METTL15: variants seen among roughly 807,000 people sequenced by gnomAD.
The protein encoded by METTL15 is methyltransferase 15, mitochondrial 12S rRNA N4-cytidine.
In METTL15, 34 loss-of-function variants were observed where a neutral mutation model predicts 38.3. The observed-to-expected ratio is 0.89, with a 90% confidence interval of 0.68 to 1.18. The LOEUF is 1.18. METTL15 is among the 50% of genes most tolerant of loss of function. METTL15 has a pLI of 0.00. For missense variants in METTL15, 438 were observed against 498.4 expected (o/e 0.88, Z 1.15); for synonymous variants, 162 against 170.9 (o/e 0.95, Z 0.41).
chr11:28,117,113 A>G (rs932111081), intron 3 of METTL15, among the ~76,000 whole-genome samples: 1 of 152,078 alleles, frequency 6.6e-6, no homozygotes, highest in African/African-American at 2.4e-5. Flanking sequence ...AAAAAGATCC[A>G]TAATGCAGGG....
chr11:28,236,691 T>C (rs1853995783), intron 4 of METTL15, among the ~76,000 whole-genome samples: 1 of 152,218 alleles, frequency 6.6e-6, no homozygotes, highest in Non-Finnish European at 1.5e-5. Context: ...AGTTTCTTCC[T>C]AATCTCGATG....
At chr11:28,419,180 G>A (rs950012143) in intron 5 of METTL15, among the ~76,000 whole-genome samples, 2 of 152,150 alleles carry the variant, frequency 1.3e-5, no homozygotes, top group Non-Finnish European at 2.9e-5. Flanking sequence ...GCAAGTGTTG[G>A]GCAATACCCA....
chr11:28,126,248 A>G (rs1001301885), intron 3 of METTL15, among the ~76,000 whole-genome samples: 8 of 151,920 alleles, frequency 5.3e-5, no homozygotes, highest in Non-Finnish European at 1.2e-4. Flanking sequence ...ACCATCTTCA[A>G]ATGTTTGGTA....
chr11:28,376,136 A>T (rs1672786331), intron 5 of METTL15, among the ~76,000 whole-genome samples: 1 of 151,054 alleles, frequency 6.6e-6, no homozygotes, highest in Non-Finnish European at 1.5e-5. Flanking sequence ...AAAAAAATGT[A>T]TATTCTGTTG....
intron 6 of METTL15, among the ~76,000 whole-genome samples, chr11:28,310,878 ATGCTGCTGC>A (rs878913369): frequency 5.5e-3 from 355 of 64,690 alleles, no homozygotes; most frequent in African/African-American, 0.024. Flanking sequence ...CCTAGCTTAA[ATGCTGCTGC>A]TGCTGCTGCT....
At chr11:28,268,390 C>G (rs894250767) in intron 4 of METTL15, among the ~76,000 whole-genome samples, 12 of 151,784 alleles carry the variant, frequency 7.9e-5, no homozygotes, top group Non-Finnish European at 1.5e-4. Flanking sequence ...CCTGCTTCAC[C>G]TACACAAATA....
chr11:28,348,001 TCTGA>T (rs1481926284), intron 3 of METTL15, among the ~76,000 whole-genome samples: 1 of 152,210 alleles, frequency 6.6e-6, no homozygotes, highest in Non-Finnish European at 1.5e-5. Flanking sequence ...GAAGTTTTGG[TCTGA>T]CTGTCACACT....
chr11:28,382,957 CTTT>C (rs34928420), intron 5 of METTL15, among the ~76,000 whole-genome samples: 1 of 145,818 alleles, frequency 6.9e-6, no homozygotes, highest in African/African-American at 2.5e-5. Context: ...TGGTGACAAT[CTTT>C]TTTTTTTTTT....
chr11:28,381,068 G>T (rs1350334287), intron 5 of METTL15, among the ~76,000 whole-genome samples: 1 of 152,120 alleles, frequency 6.6e-6, no homozygotes, highest in Non-Finnish European at 1.5e-5. Context: ...ATAGCTCACT[G>T]AAGCCTTGAA....
intron 3 of METTL15, chr11:28,122,185 A>AT (rs1565106480): frequency 1.6e-6 from 2 of 1,250,408 alleles, no homozygotes; most frequent in Admixed American, 5.3e-5. Flanking sequence ...CTACAGGTAA[A>AT]TTTAACATTT....
At chr11:28,480,892 G>A (rs116209266) in intron 6 of METTL15, among the ~76,000 whole-genome samples, 228 of 152,178 alleles carry the variant, frequency 1.5e-3, no homozygotes, top group African/African-American at 5.4e-3. Flanking sequence ...CATAGATCTT[G>A]GCTCCTGAGG....
At chr11:28,327,482 GA>G (rs1565258285) in intron 6 of METTL15, 1 of 152,326 alleles carries the variant, frequency 6.6e-6, no homozygotes, top group Non-Finnish European at 1.5e-5. Context: ...TATACTAGGG[GA>G]TATACTTAAT....
chr11:28,250,470 T>A (rs1854693569), intron 4 of METTL15, among the ~76,000 whole-genome samples: 1 of 152,076 alleles, frequency 6.6e-6, no homozygotes, highest in Non-Finnish European at 1.5e-5. Context: ...TATTTAGTGA[T>A]GGTGAGCATT....
rs117050835 is a variant in METTL15, at chr11:28,482,884, A to G, written c.*425-43594A>G. 1.4e-4 allele frequency among the ~76,000 whole-genome samples: 22 copies of G among 152,268 alleles called. No homozygotes were observed. The East Asian group carries it at 2.7e-3, about 19-fold the overall frequency. ...ACTATGATTCAGAGAGCTCTCATCA[A>G]TGTGCCATACTGCCATCTCAGCCCC... On this transcript the variant is annotated intron_variant and NMD_transcript_variant, in intron 6 of 7. Coordinates refer to the METTL15 transcript ENST00000532947.
intron 6 of METTL15, among the ~76,000 whole-genome samples, chr11:28,429,384 T>TCTCCCC (rs1850892950): frequency 2.6e-5 from 2 of 77,002 alleles, no homozygotes; most frequent in African/African-American, 5.3e-5. Context: ...TCCCTCTCCC[T>TCTCCCC]CTCCCTCTCC....
At position 28,426,712 on chromosome 11, in the gene METTL15, T is replaced by G. The variant is rs180891467; in HGVS notation, c.*424+2348T>G. 1.6e-3 allele frequency among the ~76,000 whole-genome samples: 246 copies of G among 152,176 alleles called. 1 individual carries two copies. The South Asian group carries it at 0.028, about 17-fold the overall frequency. On this transcript the variant is annotated intron_variant and NMD_transcript_variant, in intron 6 of 7. Coordinates refer to the METTL15 transcript ENST00000532947. ...TGCTGTTGAGCTTTTTTTCATATGTTTATTGGCTGAATGTATGTCCTCTTT... is the reference window on the plus strand; with the variant it reads ...TGCTGTTGAGCTTTTTTTCATATGTGTATTGGCTGAATGTATGTCCTCTTT...
intron 5 of METTL15, among the ~76,000 whole-genome samples, chr11:28,408,898 C>T (rs867235886): frequency 6.6e-6 from 1 of 152,018 alleles, no homozygotes; most frequent in South Asian, 2.1e-4. Flanking sequence ...TTTACCACAC[C>T]CTCTTTCAAC....
intron 4 of METTL15, among the ~76,000 whole-genome samples, chr11:28,268,087 C>T (rs1310229415): frequency 2.1e-5 from 3 of 143,748 alleles, no homozygotes; most frequent in Non-Finnish European, 3.0e-5. Flanking sequence ...GTCCCAGCTA[C>T]TTGGGAGGCT....
intron 6 of METTL15, among the ~76,000 whole-genome samples, chr11:28,302,535 T>C (rs942022826): frequency 6.6e-6 from 1 of 152,100 alleles, no homozygotes; most frequent in Non-Finnish European, 1.5e-5. Context: ...CCTGAGACCC[T>C]AACACAAGCT....
Sources: allele counts gnomAD v4.1 joint callset (sites outside exome capture counted in the v4.1 genomes callset), GRCh38; gene constraint gnomAD v4.1.1; transcripts MANE v1.5; gene names NCBI Gene and HGNC (gene_info 2026-07-23, HGNC 2026-07-21).